The following PLPP4 variants were observed in gnomAD, a reference collection of about 807,000 sequenced individuals.
PLPP4 encodes phospholipid phosphatase 4, also known as diacylglycerol pyrophosphate like 2.
In PLPP4, 20 loss-of-function variants were observed where a neutral mutation model predicts 32.2. The ratio of observed to expected loss-of-function variants is 0.62; its 90% CI spans 0.44 to 0.90. PLPP4 has a LOEUF of 0.90. PLPP4 is among the 40% of genes least tolerant of loss of function. The pLI, the probability that PLPP4 is intolerant of heterozygous loss-of-function variation, is 0.00. For synonymous variants in PLPP4, 127 were observed against 133.0 expected (o/e 0.95, Z 0.31); for missense variants, 257 against 353.1 (o/e 0.73, Z 2.18).
At chr10:120,484,853 A>C (rs1192566491) in intron 1 of PLPP4, among the ~76,000 whole-genome samples, 3 of 152,216 alleles carry the variant, frequency 2.0e-5, no homozygotes, top group Non-Finnish European at 4.4e-5. Context: ...TGACCCTGAG[A>C]TGGAGAGATT....
At chr10:120,565,545 C>G (rs1185934607) in intron 5 of PLPP4, among the ~76,000 whole-genome samples, 1 of 152,112 alleles carries the variant, frequency 6.6e-6, no homozygotes, top group Non-Finnish European at 1.5e-5. Flanking sequence ...GAGTCTTAAA[C>G]TGCTGCTCCT....
At chr10:120,510,614 G>A (rs12769643) in intron 2 of PLPP4, among the ~76,000 whole-genome samples, 64,778 of 151,938 alleles carry the variant, frequency 0.43, 13,906 homozygotes, top group East Asian at 0.49. Context: ...TTTCAATTCA[G>A]TCTGCTTTGC....
At chr10:120,561,540 G>C (rs1440436387) in intron 5 of PLPP4, among the ~76,000 whole-genome samples, 1 of 152,052 alleles carries the variant, frequency 6.6e-6, no homozygotes, top group Non-Finnish European at 1.5e-5. Flanking sequence ...AATATGTCTT[G>C]ACATAATAAA....
At chr10:120,490,099 C>G (rs1844647127) in intron 1 of PLPP4, among the ~76,000 whole-genome samples, 1 of 152,154 alleles carries the variant, frequency 6.6e-6, no homozygotes, top group Admixed American at 6.5e-5. Flanking sequence ...ATTCCCTCTC[C>G]TCTTCTTAGG....
At chr10:120,577,692 C>T (rs1043983930) in intron 6 of PLPP4, among the ~76,000 whole-genome samples, 1 of 152,206 alleles carries the variant, frequency 6.6e-6, no homozygotes, top group African/African-American at 2.4e-5. Flanking sequence ...TAGACTTCTG[C>T]AGCCCAAACT....
chr10:120,525,953 G>C (rs1846370387), intron 5 of PLPP4, among the ~76,000 whole-genome samples: 1 of 151,910 alleles, frequency 6.6e-6, no homozygotes, highest in African/African-American at 2.4e-5. Context: ...TTTTAATCTG[G>C]AACTTCATGT....
At chr10:120,531,638 T>A (rs1227427120) in intron 5 of PLPP4, among the ~76,000 whole-genome samples, 1 of 152,150 alleles carries the variant, frequency 6.6e-6, no homozygotes, top group Non-Finnish European at 1.5e-5. Flanking sequence ...AAGTTCATTT[T>A]TTTCATATCA....
intron 5 of PLPP4, among the ~76,000 whole-genome samples, chr10:120,550,936 A>T (rs1309506241): frequency 2.0e-5 from 3 of 152,122 alleles, no homozygotes; most frequent in African/African-American, 7.2e-5. Flanking sequence ...TTCAAAAGAT[A>T]TTCTAGAAAT....
At chr10:120,569,457 A>T (rs1435612717) in intron 5 of PLPP4, among the ~76,000 whole-genome samples, 4 of 152,216 alleles carry the variant, frequency 2.6e-5, no homozygotes, top group African/African-American at 9.6e-5. Context: ...AAAATGCAAC[A>T]TGAGGTAAGA....
chr10:120,571,280 C>T (rs1269372626), intron 5 of PLPP4, among the ~76,000 whole-genome samples: 2 of 151,900 alleles, frequency 1.3e-5, no homozygotes, highest in Non-Finnish European at 1.5e-5. Context: ...CACATTTGTC[C>T]TGTCTTATAA....
rs188818061 is a variant in PLPP4, at chr10:120,586,273, T to A, written c.617-3030T>A. On this transcript the variant is annotated intron_variant, in intron 6 of 6. Coordinates refer to ENST00000398250, the MANE Select transcript of PLPP4 (RefSeq NM_001030059.3). The stretch of plus-strand genomic sequence containing the variant: ...CCTCAGCCTCCAGAGTAGCTGAGAT[T>A]AAGGCACATGCCAACACACCTGGCT... Among the ~76,000 whole-genome samples, 233 of 151,258 alleles carry A rather than the reference T, an allele frequency of 1.5e-3. No individual in the cohort carries two copies. The Middle Eastern group carries it at 0.021, about 14-fold the overall frequency.
chr10:120,538,040 C>CTGTG (rs1564825122), intron 5 of PLPP4, among the ~76,000 whole-genome samples: 4 of 46,760 alleles, frequency 8.6e-5, no homozygotes, highest in Non-Finnish European at 1.4e-4. Flanking sequence ...CTCTCTCTCT[C>CTGTG]TCTCTCTCTC....
intron 5 of PLPP4, among the ~76,000 whole-genome samples, chr10:120,557,854 A>G (rs528122158): frequency 2.0e-5 from 3 of 152,328 alleles, no homozygotes; most frequent in South Asian, 2.1e-4. Flanking sequence ...AACTCTTGTT[A>G]TAGAGCAAAC....
chr10:120,590,235 T>A lies in PLPP4; in HGVS notation c.*733T>A, dbSNP rs1849951729. The stretch of plus-strand genomic sequence containing the variant: ...TTCCAGTCTAAGTTTATGGAGCCAC[T>A]TCTGTAGCTCTGCCTCATACAGTGA... On this transcript the variant is annotated 3_prime_UTR_variant, in exon 7 of 7. Coordinates refer to ENST00000398250, the MANE Select transcript of PLPP4 (RefSeq NM_001030059.3). 6.6e-6 allele frequency among the ~76,000 whole-genome samples: 1 copy of A among 152,206 alleles called. No homozygotes were observed. The highest frequency in any genetic ancestry group is 2.1e-4 in the South Asian group (1 of 4,830).
chr10:120,457,312 G>A lies in PLPP4; in HGVS notation c.7G>A (p.Glu3Lys). Residue 3 changes from glutamate (E) to lysine (K), a missense_variant, in exon 1 of 7, where the codon GAG becomes AAG. Glu to Lys is a moderately conservative substitution (Grantham distance 56). Coordinates refer to ENST00000398250, the MANE Select transcript of PLPP4 (RefSeq NM_001030059.3). ...GAGCTGCTCCGGCCGCACCATGCGG[G>A]AGCTGGCCATTGAGATCGGGGTGCG... MR[E>K]LAIEIGVRAL... The A allele has an allele frequency of 6.5e-7, 1 of 1,529,844 alleles. No individual in the cohort carries two copies. Among genetic ancestry groups the A allele is most frequent in the Non-Finnish European group, 8.8e-7 (1 of 1,137,266 alleles). 94.8% of individuals were successfully genotyped at this position (1,529,844 alleles called of 1,614,324 possible).
At chr10:120,550,627 A>G (rs909041074) in intron 5 of PLPP4, among the ~76,000 whole-genome samples, 12 of 152,006 alleles carry the variant, frequency 7.9e-5, no homozygotes, top group African/African-American at 2.9e-4. Flanking sequence ...ACACCTTTCA[A>G]AAAAGGTGTC....
intron 5 of PLPP4, among the ~76,000 whole-genome samples, chr10:120,529,721 G>A (rs145339385): frequency 2.7e-4 from 41 of 152,100 alleles, no homozygotes; most frequent in Non-Finnish European, 5.6e-4. Flanking sequence ...CAGCTCCTTC[G>A]CTGAGATCTA....
intron 6 of PLPP4, among the ~76,000 whole-genome samples, chr10:120,588,356 C>T (rs1228479590): frequency 6.6e-6 from 1 of 152,148 alleles, no homozygotes; most frequent in Non-Finnish European, 1.5e-5. Flanking sequence ...CAGATGCACC[C>T]CCCTGCCTCA....
chr10:120,564,577 C>A (rs1848600992), intron 5 of PLPP4, among the ~76,000 whole-genome samples: 1 of 151,828 alleles, frequency 6.6e-6, no homozygotes, highest in Non-Finnish European at 1.5e-5. Flanking sequence ...TTAAAATTTT[C>A]CACTATTATG....
Sources: gnomAD v4.1 joint callset for allele counts (sites outside exome capture counted in the v4.1 genomes callset) on GRCh38, gnomAD v4.1.1 for gene constraint, MANE v1.5 for transcripts, NCBI Gene and HGNC (gene_info 2026-07-23, HGNC 2026-07-21) for gene names.